NFASC: variants seen among roughly 807,000 people sequenced by gnomAD.
NFASC encodes the protein neurofascin homolog.
A neutral mutation model predicts 147.5 loss-of-function variants in NFASC; 43 were observed. The ratio of observed to expected loss-of-function variants is 0.29; its 90% CI spans 0.23 to 0.38. The LOEUF is 0.38. Ranked by LOEUF, NFASC falls within the 10% of genes least tolerant of loss-of-function variation. The pLI is 1.00. For synonymous variants in NFASC, 622 were observed against 665.5 expected, an observed-to-expected ratio of 0.93 and a Z score of 1.01; for missense variants, 1,320 against 1,689.0, an observed-to-expected ratio of 0.78 and a Z score of 3.83.
intron 12 of NFASC, among the ~76,000 whole-genome samples, chr1:204,973,821 G>A (rs1292317629): frequency 1.3e-5 from 2 of 152,160 alleles, no homozygotes; most frequent in South Asian, 2.1e-4. Flanking sequence ...CTCACGGTGG[G>A]AAATGGTTCT....
chr1:204,828,878 C>A, intron 1 of NFASC, 96 bp downstream of exon 1: 1 of 802,212 alleles, frequency 1.2e-6, no homozygotes, highest in Non-Finnish European at 1.5e-6. Context: ...GTCTCCATCC[C>A]CTGACCTGCC....
intron 27 of NFASC, among the ~76,000 whole-genome samples, chr1:205,006,358 A>AAAT (rs1173623753): frequency 6.6e-6 from 1 of 152,228 alleles, no homozygotes; most frequent in Non-Finnish European, 1.5e-5. Flanking sequence ...AGGACCCAGG[A>AAAT]AATAGAACAA....
chr1:204,997,107 C>A, intron 24 of NFASC, 63 bp from the exon 25 acceptor site: 2 of 1,561,814 alleles, frequency 1.3e-6, no homozygotes, highest in South Asian at 2.4e-5. Flanking sequence ...ACGCGGGGGC[C>A]GTGTGTCCAG....
chr1:204,950,574 C>G lies in NFASC; in HGVS notation c.109C>G (p.Leu37Val). The change falls in exon 4 of 30, where the codon CTG (leucine) becomes GTG (valine). Residue 37 changes from leucine to valine, a missense_variant and splice_region_variant. Coordinates refer to ENST00000339876, the MANE Select transcript of NFASC (RefSeq NM_001005388.3). ...IPMDPSIQNE[L>V]TQPPTITKQS... is the part of the protein sequence containing the mutation. ...ACTAACAGCAAGCATTCAGAATGAG[C>G]GTAAGTGCCCTGTGTGCCTCTCTGT... The G allele has an allele frequency of 6.2e-7, 1 of 1,612,390 alleles. No homozygotes were observed.
rs536821988 is a variant in NFASC, at chr1:205,006,153, A to T, written c.3290-3404A>T. Among the ~76,000 whole-genome samples, 93 of 152,372 alleles carry T rather than the reference A, an allele frequency of 6.1e-4. 1 individual carries two copies. The highest frequency in any genetic ancestry group is 2.2e-3 in the African/African-American group (91 of 41,594). On this transcript the variant is annotated intron_variant, in intron 27 of 29. Coordinates refer to ENST00000339876, the MANE Select transcript of NFASC (RefSeq NM_001005388.3). ...CTAGCACACGGGCAAGCCAGTATCC[A>T]TATGACCCCTAGCTGATATCAGGGG... is the stretch of plus-strand genomic sequence containing the variant.
At chr1:204,977,760 C>A in intron 17 of NFASC, 35 bp downstream of exon 17, 1 of 1,589,290 alleles carries the variant, frequency 6.3e-7, no homozygotes, top group Non-Finnish European at 8.6e-7. Flanking sequence ...CTGCCAGTGC[C>A]CTCTCTTGGC....
intron 23 of NFASC, chr1:204,989,775 C>A (rs1347002248): frequency 1.3e-5 from 2 of 152,322 alleles, no homozygotes; most frequent in African/African-American, 2.4e-5. Flanking sequence ...AATTGCATGT[C>A]TAAATGAGGG....
chr1:204,973,551 G>T, intron 12 of NFASC, 132 bp downstream of exon 12: 1 of 1,150,196 alleles, frequency 8.7e-7, no homozygotes, highest in Non-Finnish European at 1.2e-6. Context: ...AGAGGATGTT[G>T]GATAGGGGAA....
chr1:204,874,677 C>G (rs1286434492), intron 1 of NFASC, among the ~76,000 whole-genome samples: 1 of 152,248 alleles, frequency 6.6e-6, no homozygotes, highest in Non-Finnish European at 1.5e-5. Flanking sequence ...GGCCTGGGGC[C>G]TGGTCTGAAT....
intron 5 of NFASC, among the ~76,000 whole-genome samples, chr1:204,952,615 C>T (rs190857127): frequency 6.6e-6 from 1 of 152,204 alleles, no homozygotes; most frequent in Admixed American, 6.5e-5. Flanking sequence ...TGGGGAAGGA[C>T]CGATGTCCTT....
chr1:205,007,601 G>A (rs916956343), intron 27 of NFASC, among the ~76,000 whole-genome samples: 1 of 151,516 alleles, frequency 6.6e-6, no homozygotes, highest in Non-Finnish European at 1.5e-5. Context: ...CTGGGTGGGA[G>A]TTGGGGAGAG....
intron 28 of NFASC, among the ~76,000 whole-genome samples, chr1:205,011,516 C>G (rs1276356771): frequency 1.3e-5 from 2 of 152,182 alleles, no homozygotes; most frequent in Non-Finnish European, 2.9e-5. Flanking sequence ...ACTGGAAGAA[C>G]CCAGCAGATC....
rs188667259 is a variant in NFASC at position 204,933,998 on chromosome 1, C to T, written c.-90-10228C>T. ...ACTAAAAATACAAAAATTAGCTGGGCGTGGTGGCAGGTGCCTGTAATCCCA... is the reference window on the plus strand; with the variant it reads ...ACTAAAAATACAAAAATTAGCTGGGTGTGGTGGCAGGTGCCTGTAATCCCA... On this transcript the variant is annotated intron_variant, in intron 2 of 29. Transcript: ENST00000339876. Among the ~76,000 whole-genome samples the T allele has an allele frequency of 7.2e-5, 11 of 151,880 alleles. No individual in the cohort carries two copies. The East Asian group carries it at 1.7e-3, about 24-fold the overall frequency.
chr1:204,910,822 A>G (rs1264711402), intron 1 of NFASC, among the ~76,000 whole-genome samples: 1 of 120,116 alleles, frequency 8.3e-6, no homozygotes, highest in African/African-American at 2.8e-5. Context: ...TAGTTCCAAG[A>G]GATTTTTTTT....
rs111746748 is a variant in NFASC, at chr1:204,954,602, G to A, written c.412+218G>A. Among the ~76,000 whole-genome samples, 3,250 of 152,258 alleles carry A rather than the reference G, an allele frequency of 0.021. 107 individuals are homozygous for A. Among genetic ancestry groups the A allele is most frequent in the African/African-American group, 0.073 (3,044 of 41,532 alleles). ...CTGCAACAATTTCACTGGCCACTGCGGGCACAGGAGACGGGAAAGGAGGGG... is the reference window on the plus strand; with the variant it reads ...CTGCAACAATTTCACTGGCCACTGCAGGCACAGGAGACGGGAAAGGAGGGG... On this transcript the variant is annotated intron_variant, in intron 6 of 29. Transcript: ENST00000339876. This position sits in a 1 kb window ranked among gnomAD's most constrained non-coding sequence, Gnocchi z 5.7.
At chr1:204,858,546 AT>A (rs1318389381) in intron 1 of NFASC, among the ~76,000 whole-genome samples, 8 of 152,104 alleles carry the variant, frequency 5.3e-5, no homozygotes, top group Non-Finnish European at 8.8e-5. Flanking sequence ...AGCAGTGTCC[AT>A]GATCAATAAT....
chr1:205,011,711 T>G (rs934989723), intron 28 of NFASC, among the ~76,000 whole-genome samples: 10 of 152,220 alleles, frequency 6.6e-5, no homozygotes, highest in African/African-American at 1.2e-4. Flanking sequence ...ATTAGTTACG[T>G]GACATGCTCT....
chr1:204,989,638 GTCT>G (rs2095682109), intron 23 of NFASC: 2 of 152,232 alleles, frequency 1.3e-5, no homozygotes, highest in Admixed American at 6.5e-5. Flanking sequence ...AGATACAATG[GTCT>G]ATTCAACAGC....
intron 2 of NFASC, among the ~76,000 whole-genome samples, chr1:204,932,816 C>T (rs1245207290): frequency 6.6e-6 from 1 of 152,180 alleles, no homozygotes; most frequent in African/African-American, 2.4e-5. Flanking sequence ...GTGCCACATG[C>T]CCCAGAGAGG....
Sources: gnomAD v4.1 joint callset for allele counts (sites outside exome capture counted in the v4.1 genomes callset) on GRCh38, gnomAD v4.1.1 for gene constraint, Gnocchi (gnomAD v3.1) non-coding constraint, MANE v1.5 for transcripts, NCBI Gene and HGNC (gene_info 2026-07-23, HGNC 2026-07-21) for gene names.